PUM2: variants seen among roughly 807,000 people sequenced by gnomAD.
PUM2 encodes pumilio homolog 2.
Under a neutral mutation model 124.5 loss-of-function variants are expected in PUM2, and 57 were observed. The observed-to-expected ratio is 0.46, with a 90% CI of 0.37 to 0.57. The LOEUF is 0.57. Ranked by LOEUF, PUM2 falls within the 20% of genes least tolerant of loss-of-function variation. PUM2 has a pLI of 0.00. For synonymous variants in PUM2, 460 were observed against 446.1 expected (o/e 1.03, Z -0.39); for missense variants, 1,065 against 1,290.6 (o/e 0.83, Z 2.68).
chr2:20,290,622 T>C, intron 10 of PUM2, 30 bp downstream of exon 10: 1 of 1,581,782 alleles, frequency 6.3e-7, no homozygotes, highest in Non-Finnish European at 8.6e-7. Flanking sequence ...TGAAATCTAT[T>C]CAAATTTCCA....
Position 20,286,992 on chromosome 2 carries a change from G to GA in PUM2, c.1292-3507dup, listed in dbSNP as rs368114405. Among the ~76,000 whole-genome samples, 996 of 142,356 alleles carry GA rather than the reference G, an allele frequency of 7.0e-3. 7 individuals are homozygous for GA. The highest frequency in any genetic ancestry group is 0.023 in the African/African-American group (915 of 39,144). The allele number at this position is 142,356 out of a possible 152,430, so 93.4% of individuals were successfully genotyped here. A position where few individuals can be genotyped will look rare whatever the true frequency, so the allele number is the denominator to read the frequency against. On this transcript the variant is annotated intron_variant, in intron 10 of 20. Transcript: ENST00000361078. ...ATGAATGTATGAAGAGTGGGAAAAG[G>GA]AAAAAAAAACGACGTAGGGAAGAAT...
chr2:20,307,917 G>C, intron 7 of PUM2, 61 bp downstream of exon 7: 1 of 1,561,018 alleles, frequency 6.4e-7, no homozygotes, highest in Non-Finnish European at 8.7e-7. Context: ...TAAACGAAAA[G>C]TGAAACATCC....
intron 3 of PUM2, 104 bp downstream of exon 3, chr2:20,318,432 CA>C: frequency 3.9e-6 from 4 of 1,023,004 alleles, no homozygotes; most frequent in Non-Finnish European, 5.7e-6. Flanking sequence ...CAAAACTATA[CA>C]AAAAATGCAA....
At position 20,317,358 on chromosome 2, in the gene PUM2, C is replaced by T. The variant is rs1169270758; in HGVS notation, c.160+1179G>A. 2.0e-5 allele frequency among the ~76,000 whole-genome samples: 3 copies of T among 152,166 alleles called. No homozygotes were observed. In the East Asian group the frequency reaches 5.8e-4, roughly 29 times the overall value. The stretch of plus-strand genomic sequence containing the variant: ...AGTTGAAATCAAAACATTTAAAGAT[C>T]TGCTCCCTTTCTGGGAGCTCTATCT... On this transcript the variant is annotated intron_variant, in intron 3 of 20. Transcript: ENST00000361078.
chr2:20,256,661 T>C (rs540906778), intron 16 of PUM2, among the ~76,000 whole-genome samples: 2 of 152,350 alleles, frequency 1.3e-5, no homozygotes, highest in South Asian at 4.1e-4. Context: ...TGACTACTTA[T>C]GGGCTATGAT....
chr2:20,333,468 A>C (rs1685335675), intron 1 of PUM2, among the ~76,000 whole-genome samples: 2 of 152,068 alleles, frequency 1.3e-5, no homozygotes, highest in Non-Finnish European at 2.9e-5. Context: ...CAGGAGGTTG[A>C]GGGTGCAGTG....
intron 15 of PUM2, among the ~76,000 whole-genome samples, chr2:20,259,033 A>G (rs1415180587): frequency 1.3e-5 from 2 of 152,224 alleles, no homozygotes; most frequent in Non-Finnish European, 2.9e-5. Flanking sequence ...CTTCACCCAG[A>G]TAATCATCAA....
intron 16 of PUM2, among the ~76,000 whole-genome samples, chr2:20,257,449 T>C (rs1665083814): frequency 6.6e-6 from 1 of 152,224 alleles, no homozygotes; most frequent in Non-Finnish European, 1.5e-5. Flanking sequence ...TAAGAAATAA[T>C]TATTTCCTTC....
chr2:20,350,426 C>T (rs1689112805), intron 1 of PUM2, 171 bp downstream of exon 1: 30 of 942,216 alleles, frequency 3.2e-5, no homozygotes, highest in Non-Finnish European at 3.7e-5. Context: ...CGGCACCCCT[C>T]CCCCTGCATT....
Position 20,296,134 on chromosome 2 carries a change from C to T in PUM2, c.1009+1419G>A, listed in dbSNP as rs377001496. Among the ~76,000 whole-genome samples the T allele has an allele frequency of 3.6e-4, 55 of 152,310 alleles. No homozygotes were observed. In the South Asian group the frequency reaches 9.7e-3, roughly 27 times the overall value. ...GCTAATGACAGCTTAGTTTCATTGT[C>T]GTAGCTAAGATATCAAATATAAATC... On this transcript the variant is annotated intron_variant, in intron 8 of 20. Transcript: ENST00000361078.
At chr2:20,320,026 G>A (rs767993214) in intron 2 of PUM2, among the ~76,000 whole-genome samples, 3 of 152,218 alleles carry the variant, frequency 2.0e-5, no homozygotes, top group Non-Finnish European at 4.4e-5. Flanking sequence ...CCAGCACTTT[G>A]GGAGGCCTAG....
intron 1 of PUM2, among the ~76,000 whole-genome samples, chr2:20,329,007 C>T (rs780250593): frequency 6.6e-6 from 1 of 151,792 alleles, no homozygotes; most frequent in African/African-American, 2.4e-5. Context: ...TCGATTTTTA[C>T]AAGAAATTTA....
chr2:20,321,738 A>G (rs946877629), intron 2 of PUM2, among the ~76,000 whole-genome samples: 3 of 152,204 alleles, frequency 2.0e-5, no homozygotes, highest in Non-Finnish European at 2.9e-5. Context: ...ACCATACAAC[A>G]TTACAGAAAA....
chr2:20,282,445 T>C (rs1230944825), intron 12 of PUM2, among the ~76,000 whole-genome samples: 2 of 152,190 alleles, frequency 1.3e-5, no homozygotes, highest in Admixed American at 6.5e-5. Flanking sequence ...TGTAGAACAT[T>C]TCAGTATTTA....
chr2:20,274,120 G>A (rs543343116), intron 13 of PUM2, among the ~76,000 whole-genome samples: 1 of 152,150 alleles, frequency 6.6e-6, no homozygotes, highest in African/African-American at 2.4e-5. Context: ...TTAATCAACT[G>A]ATCTTTAATT....
At chr2:20,272,032 G>A (rs1162701850) in intron 13 of PUM2, among the ~76,000 whole-genome samples, 3 of 152,070 alleles carry the variant, frequency 2.0e-5, no homozygotes, top group Non-Finnish European at 2.9e-5. Context: ...GCTGGCAGGC[G>A]CCTGTAATCC....
At chr2:20,350,404 C>T in intron 1 of PUM2, 193 bp downstream of exon 1, 1 of 879,776 alleles carries the variant, frequency 1.1e-6, no homozygotes, top group Non-Finnish European at 1.4e-6. Context: ...CCCGCACGCG[C>T]ACACCCCCTT....
chr2:20,339,247 G>C (rs1686736516), intron 1 of PUM2, among the ~76,000 whole-genome samples: 1 of 151,962 alleles, frequency 6.6e-6, no homozygotes, highest in Non-Finnish European at 1.5e-5. Flanking sequence ...CATGCAAGGT[G>C]GTACATATCT....
upstream of PUM2, chr2:20,350,930 T>A (rs1689265652): frequency 3.3e-6 from 1 of 306,406 alleles, no homozygotes; most frequent in Non-Finnish European, 4.8e-6. Flanking sequence ...TTTTAATGCC[T>A]TGCGTCCCTG....
Sources: gnomAD v4.1 joint callset for allele counts (sites outside exome capture counted in the v4.1 genomes callset) on GRCh38, gnomAD v4.1.1 for gene constraint, MANE v1.5 for transcripts, NCBI Gene and HGNC (gene_info 2026-07-23, HGNC 2026-07-21) for gene names.